Variants in TNXB observed in about 807,000 individuals in gnomAD.
TNXB encodes the protein tenascin XB, also known as tenascin-X.
TNXB carries 183 observed loss-of-function variants against 340.5 expected under a neutral mutation model. The observed-to-expected ratio is 0.54, with a 90% CI of 0.48 to 0.61. The LOEUF (loss-of-function observed/expected upper bound fraction) is 0.61, where lower values mean the gene tolerates loss of function less well. TNXB is among the 20% of genes least tolerant of loss of function. The probability of loss-of-function intolerance (pLI) is 0.00; values close to 1 mark genes in which losing one functional copy is unlikely to be tolerated. For synonymous variants in TNXB, 2,121 were observed against 2,314.5 expected, an observed-to-expected ratio of 0.92 and a Z score of 2.40; for missense variants, 4,613 against 5,446.4, an observed-to-expected ratio of 0.85 and a Z score of 4.82.
intron 24 of TNXB, among the ~76,000 whole-genome samples, chr6:32,054,044 TTCTG>T (rs1777477811): frequency 6.6e-6 from 1 of 152,066 alleles, no homozygotes; most frequent in Non-Finnish European, 1.5e-5. Flanking sequence ...TTCACTGGGC[TTCTG>T]TCTTTGCTCC....
chr6:32,098,584 G>A (rs1242559138), intron 1 of TNXB, among the ~76,000 whole-genome samples: 1 of 152,052 alleles, frequency 6.6e-6, no homozygotes, highest in Non-Finnish European at 1.5e-5. Context: ...AGGTCCAAGC[G>A]ATTCTCCTGC....
At chr6:32,057,153 C>T (rs1044245537) in intron 22 of TNXB, among the ~76,000 whole-genome samples, 1 of 151,926 alleles carries the variant, frequency 6.6e-6, no homozygotes, top group Non-Finnish European at 1.5e-5. Context: ...CCTCCAGCAC[C>T]GCCTCTCTTT....
chr6:32,081,417 C>A lies in TNXB; in HGVS notation c.3993G>T (p.Gly1331=). 6.4e-7 allele frequency: 1 copy of A among 1,555,358 alleles called. No individual in the cohort carries two copies. Among genetic ancestry groups the A allele is most frequent in the Non-Finnish European group, 8.7e-7 (1 of 1,149,532 alleles). ...PDRKYKMNLY[G]LRGRQRVGPE... ...GCCCCACACGCTGCCTGCCACGAAG[C>A]CCGTAGAGGTTCATCTTATACTTCC... The change falls in exon 10 of 44, where the codon GGG becomes GGT. Residue 1331 remains glycine, a synonymous_variant. Transcript: ENST00000644971. The surrounding 1 kb of genome is among the most constrained non-coding windows in gnomAD (Gnocchi z 5.1).
intron 1 of TNXB, among the ~76,000 whole-genome samples, chr6:32,102,499 G>A (rs753242824): frequency 3.9e-5 from 6 of 152,092 alleles, no homozygotes; most frequent in Non-Finnish European, 7.4e-5. Context: ...CACACACATA[G>A]TGCTGAGTAA....
At chr6:32,043,915 G>A (rs1314765900) in intron 34 of TNXB, 23 bp from the exon 35 acceptor site, 1 of 1,613,376 alleles carries the variant, frequency 6.2e-7, no homozygotes, top group East Asian at 2.2e-5. Context: ...GGGATCGAGG[G>A]TTACCCAGGG....
In TNXB at chr6:32,053,097, G is replaced by T. The variant is rs1777397546; in HGVS notation, c.8792-104C>A. The stretch of plus-strand genomic sequence containing the variant: ...TGTGGCCATGAGTGGGGGTCCTGGG[G>T]TCAGCTTGGAGAGGCCCATCTTTGG... On this transcript the variant is annotated intron_variant, in intron 25 of 43. Transcript: ENST00000644971. 3 of 1,307,974 alleles carry T rather than the reference G, an allele frequency of 2.3e-6. No individual in the cohort carries two copies. The East Asian group carries it at 7.1e-5, about 31-fold the overall frequency. The allele number at this position is 1,307,974 out of a possible 1,614,324, so 81.0% of individuals were successfully genotyped here. A position where few individuals can be genotyped will look rare whatever the true frequency, so the allele number is the denominator to read the frequency against.
At position 32,081,445 on chromosome 6, in the gene TNXB, T is replaced by C. The variant is rs1258771989; in HGVS notation, c.3965A>G (p.Asp1322Gly). 9 of 1,579,642 alleles carry C rather than the reference T, an allele frequency of 5.7e-6. No individual in the cohort carries two copies. Among genetic ancestry groups the C allele is most frequent in the Non-Finnish European group, 7.7e-6 (9 of 1,162,642 alleles). The part of the protein sequence containing the change: ...NEVTVPGLDP[D>G]RKYKMNLYGL... Reference sequence around the variant, plus strand: ...GTAGAGGTTCATCTTATACTTCCGGTCGGGATCCAGGCCGGGGACAGTAAC... The same window carrying C: ...GTAGAGGTTCATCTTATACTTCCGGCCGGGATCCAGGCCGGGGACAGTAAC... Residue 1322 changes from aspartate (D) to glycine (G), a missense_variant, in exon 10 of 44, where the codon GAC becomes GGC. Asp to Gly is a moderately conservative substitution (Grantham distance 94). This residue lies in a region of TNXB where 4,327 missense variants were observed against 4,859.4 expected (regional missense o/e 0.89). Transcript: ENST00000644971. The surrounding 1 kb of genome is among the most constrained non-coding windows in gnomAD (Gnocchi z 5.1).
chr6:32,050,712 G>A (rs1378724270), intron 26 of TNXB, among the ~76,000 whole-genome samples: 1 of 152,104 alleles, frequency 6.6e-6, no homozygotes, highest in Non-Finnish European at 1.5e-5. Context: ...AGCCTGGGGT[G>A]TGTTCCTGGA....
chr6:32,077,958 C>T (rs545123819), intron 11 of TNXB, among the ~76,000 whole-genome samples: 1 of 151,104 alleles, frequency 6.6e-6, no homozygotes, highest in Admixed American at 6.6e-5. Flanking sequence ...ACCTGGGAGG[C>T]AAAGGTTGCA....
chr6:32,106,730 C>A (rs1490860042), intron 1 of TNXB, among the ~76,000 whole-genome samples: 4 of 152,178 alleles, frequency 2.6e-5, no homozygotes, highest in African/African-American at 7.2e-5. Flanking sequence ...TCCTGTCTCC[C>A]CAGCCCTTCT....
rs1250903252 is a variant in TNXB at position 32,074,841 on chromosome 6, C to T, written c.4376-889G>A. 6.6e-6 allele frequency among the ~76,000 whole-genome samples: 1 copy of T among 152,226 alleles called. No individual in the cohort carries two copies. On this transcript the variant is annotated intron_variant, in intron 11 of 43. Transcript: ENST00000644971. This position sits in a 1 kb window ranked among gnomAD's most constrained non-coding sequence, Gnocchi z 5.5. ...GATTACAGGCATGTGCCACCACGTCCGGCTAATTTTGTATTTTCAGTAGAG... is the reference window on the plus strand; with the variant it reads ...GATTACAGGCATGTGCCACCACGTCTGGCTAATTTTGTATTTTCAGTAGAG...
chr6:32,054,798 G>A (rs905981343), intron 24 of TNXB, among the ~76,000 whole-genome samples: 2 of 152,192 alleles, frequency 1.3e-5, no homozygotes, highest in Non-Finnish European at 2.9e-5. Context: ...CCTGACACCC[G>A]TGAGCTGCCC....
Position 32,068,846 on chromosome 6 carries a change from G to T in TNXB, c.5878C>A (p.Pro1960Thr). 1 of 1,610,836 alleles carries T rather than the reference G, an allele frequency of 6.2e-7. No homozygotes were observed. The highest frequency in any genetic ancestry group is 1.3e-5 in the African/African-American group (1 of 75,006). ...YGFSDGKHVGPVHVEALTVPE... is the reference protein window; with the variant it reads ...YGFSDGKHVGTVHVEALTVPE... ...CCTGTCAGGGCCTCGACATGGACAGGACCTACATGCTTCCCATCACTGAAA... is the reference window on the plus strand; with the variant it reads ...CCTGTCAGGGCCTCGACATGGACAGTACCTACATGCTTCCCATCACTGAAA... Residue 1960 changes from proline (P) to threonine (T), a missense_variant, in exon 16 of 44, where the codon CCT becomes ACT. Coordinates refer to ENST00000644971, the MANE Select transcript of TNXB (RefSeq NM_001365276.2). This position sits in a 1 kb window ranked among gnomAD's most constrained non-coding sequence, Gnocchi z 5.3.
In TNXB at chr6:32,082,224, T is replaced by G; in HGVS notation, c.3548A>C (p.Glu1183Ala). 1 of 1,612,210 alleles carries G rather than the reference T, an allele frequency of 6.2e-7. No homozygotes were observed. The highest frequency in any genetic ancestry group is 8.5e-7 in the Non-Finnish European group (1 of 1,179,492). The change falls in exon 9 of 44, where the codon GAG (glutamate) becomes GCG (alanine). Residue 1183 changes from glutamate to alanine, a missense_variant. Physicochemically the swap from Glu to Ala is moderately radical, Grantham distance 107 (BLOSUM62 -1). Transcript: ENST00000644971. The surrounding 1 kb of genome is among the most constrained non-coding windows in gnomAD (Gnocchi z 5.0). ...GACCATGAAGGTGTCAAACTGGCCC[T>G]CAGGGACAGTCCAGGAGAGGTGCAG... Reference protein sequence around the residue: ...DSLHLSWTVPEGQFDTFMVQY... With the variant: ...DSLHLSWTVPAGQFDTFMVQY...
rs1317923016 is a variant in TNXB at position 32,096,945 on chromosome 6, C to T, written c.908G>A (p.Gly303Asp). The change falls in exon 3 of 44, where the codon GGC (glycine) becomes GAC (aspartate). Residue 303 changes from glycine to aspartate, a missense_variant. Physicochemically the swap from Gly to Asp is moderately conservative, Grantham distance 94. Around this residue, in one of 7 missense-constraint regions of TNXB, gnomAD observed 4,327 missense variants for 4,859.4 expected, o/e 0.89. Coordinates refer to ENST00000644971, the MANE Select transcript of TNXB (RefSeq NM_001365276.2). Reference protein sequence around the residue: ...GRCVCNPGYTGEDCGVRSCPR... With the variant: ...GRCVCNPGYTDEDCGVRSCPR... The stretch of plus-strand genomic sequence containing the variant: ...GCAGCTCCTCACCCCACAGTCCTCG[C>T]CAGTGTAGCCGGGGTTACACACGCA... 3 of 1,594,698 alleles carry T rather than the reference C, an allele frequency of 1.9e-6. No homozygotes were observed. Among genetic ancestry groups the T allele is most frequent in the Non-Finnish European group, 1.7e-6 (2 of 1,163,700 alleles).
rs192351129 is a variant in TNXB, at chr6:32,106,185, C to T, written c.-9+2996G>A. 9.9e-5 allele frequency among the ~76,000 whole-genome samples: 15 copies of T among 150,798 alleles called. No homozygotes were observed. In the East Asian group the frequency reaches 2.5e-3, roughly 25 times the overall value. On this transcript the variant is annotated intron_variant, in intron 1 of 43. Transcript: ENST00000644971. ...GTGTCTTGTTTCTTGATCTGGATGACGGTTACCCAGTTGTATGTGTTTGTG... is the reference window on the plus strand; with the variant it reads ...GTGTCTTGTTTCTTGATCTGGATGATGGTTACCCAGTTGTATGTGTTTGTG...
At position 32,062,273 on chromosome 6, in the gene TNXB, C is replaced by T; in HGVS notation, c.7052G>A (p.Gly2351Glu). The T allele has an allele frequency of 1.2e-6, 2 of 1,613,396 alleles. No individual in the cohort carries two copies. The highest frequency in any genetic ancestry group is 1.3e-5 in the African/African-American group (1 of 75,052). ...GGAGATGGTGACCCTGTCCTCATGT[C>T]CTGGCACCCGTGTTGCCTTGGGCTG... ...DGQPKATRVPGHEDRVTISGL... is the reference protein window; with the variant it reads ...DGQPKATRVPEHEDRVTISGL... The change falls in exon 20 of 44, where the codon GGA (glycine) becomes GAA (glutamate). Residue 2351 changes from glycine to glutamate, a missense_variant. Gly to Glu is a moderately conservative substitution (Grantham distance 98). Coordinates refer to ENST00000644971, the MANE Select transcript of TNXB (RefSeq NM_001365276.2). This position sits in a 1 kb window ranked among gnomAD's most constrained non-coding sequence, Gnocchi z 4.3.
At position 32,046,480 on chromosome 6, in the gene TNXB, C is replaced by T; in HGVS notation, c.10325-24G>A. ...AGCTGTGCAGAGGGAGGAGGGAAAG[C>T]TCTTAGTCACATGCTGCCTTTGCCT... On this transcript the variant is annotated intron_variant, in intron 30 of 43. Coordinates refer to ENST00000644971, the MANE Select transcript of TNXB (RefSeq NM_001365276.2). The surrounding 1 kb of genome is among the most constrained non-coding windows in gnomAD (Gnocchi z 6.9). The T allele has an allele frequency of 4.6e-6, 7 of 1,536,770 alleles. No homozygotes were observed. Among genetic ancestry groups the T allele is most frequent in the Non-Finnish European group, 5.3e-6 (6 of 1,138,094 alleles).
rs772182693 is a variant in TNXB at position 32,070,161 on chromosome 6, C to A, written c.5244G>T (p.Lys1748Asn). The A allele has an allele frequency of 4.3e-5, 69 of 1,597,968 alleles. 1 individual carries two copies. The South Asian group carries it at 4.9e-4, about 11-fold the overall frequency. ...CGTCGGCAGTGAGAGGGCCATGGCG[C>A]TTCTTGCCCAGGAGGCCATAGAGGA... ...RFLLYGLLGK[K>N]RHGPLTADGT... Residue 1748 changes from lysine (K) to asparagine (N), a missense_variant, in exon 14 of 44, where the codon AAG (lysine) becomes AAT (asparagine). By Grantham distance (94) the Lys-to-Asn change is moderately conservative. Around this residue, in one of 7 missense-constraint regions of TNXB, gnomAD observed 4,327 missense variants for 4,859.4 expected, o/e 0.89. Coordinates refer to ENST00000644971, the MANE Select transcript of TNXB (RefSeq NM_001365276.2). This position sits in a 1 kb window ranked among gnomAD's most constrained non-coding sequence, Gnocchi z 6.0.
Sources: gnomAD v4.1 joint callset for allele counts (sites outside exome capture counted in the v4.1 genomes callset) on GRCh38, gnomAD v4.1.1 for gene constraint, gnomAD v4.1.1 regional missense constraint, Gnocchi (gnomAD v3.1) non-coding constraint, MANE v1.5 for transcripts, NCBI Gene and HGNC (gene_info 2026-07-23, HGNC 2026-07-21) for gene names.